Variants in TGFB2 observed in about 807,000 individuals in gnomAD.
TGFB2 encodes the protein transforming growth factor beta 2, also known as transforming growth factor beta-2 proprotein.
TGFB2 carries 13 observed loss-of-function variants against 42.7 expected under a neutral mutation model. That is an observed-to-expected ratio of 0.30 (90% CI 0.20 to 0.48). The LOEUF is 0.48. TGFB2 is among the 20% of genes least tolerant of loss of function. The pLI, the probability that TGFB2 is intolerant of heterozygous loss-of-function variation, is 0.99. For missense variants in TGFB2, 390 were observed against 517.5 expected (o/e 0.75, Z 2.39); for synonymous variants, 193 against 193.6 (o/e 1.00, Z 0.03).
At chr1:218,350,063 G>A (rs772558137) in intron 1 of TGFB2, among the ~76,000 whole-genome samples, 12 of 152,208 alleles carry the variant, frequency 7.9e-5, no homozygotes, top group Non-Finnish European at 1.5e-4. Context: ...CAATCCATTT[G>A]AAGTTCGAGG....
intron 2 of TGFB2, among the ~76,000 whole-genome samples, chr1:218,428,012 T>C (rs1659681626): frequency 6.6e-6 from 1 of 152,328 alleles, no homozygotes; most frequent in East Asian, 1.9e-4. Flanking sequence ...CCTGACTTTT[T>C]AATGACTGCC....
At chr1:218,363,258 T>G in intron 1 of TGFB2, 1 of 1,265,240 alleles carries the variant, frequency 7.9e-7, no homozygotes, top group Non-Finnish European at 1.2e-6. Flanking sequence ...CTCTTCTACT[T>G]TGAATCTTTG....
At position 218,441,521 on chromosome 1, in the gene TGFB2, G is replaced by A. The variant is rs1346786037; in HGVS notation, c.*159G>A. ...CGGTACTAGTTCAGACACTTTGGAA[G>A]TTTGTGTTCTGTTTGTTAAAACTGG... On this transcript the variant is annotated 3_prime_UTR_variant, in exon 7 of 7. Transcript: ENST00000366930. 3.3e-6 allele frequency: 2 copies of A among 602,724 alleles called. No homozygotes were observed. The highest frequency in any genetic ancestry group is 3.8e-5 in the African/African-American group (2 of 52,044). 37.3% of individuals were successfully genotyped at this position (602,724 alleles called of 1,614,324 possible). A position where few individuals can be genotyped will look rare whatever the true frequency, so the allele number is the denominator to read the frequency against.
At chr1:218,383,862 T>C (rs1658043300) in intron 1 of TGFB2, among the ~76,000 whole-genome samples, 2 of 152,150 alleles carry the variant, frequency 1.3e-5, no homozygotes, top group South Asian at 2.1e-4. Flanking sequence ...TCTAGAAAGG[T>C]AGAGAGTAAA....
At position 218,395,836 on chromosome 1, in the gene TGFB2, G is replaced by T. The variant is rs550331533; in HGVS notation, c.347-9333G>T. 1.4e-4 allele frequency among the ~76,000 whole-genome samples: 21 copies of T among 152,070 alleles called. No homozygotes were observed. In the East Asian group the frequency reaches 3.5e-3, roughly 25 times the overall value. ...TCACCATGTTAGCCAGGATGGTCTC[G>T]ATCTCCTGACCTCGTGATCCACCCA... On this transcript the variant is annotated intron_variant, in intron 1 of 6. Transcript: ENST00000366930.
intron 1 of TGFB2, among the ~76,000 whole-genome samples, chr1:218,365,527 A>G (rs1657357866): frequency 6.6e-6 from 1 of 152,054 alleles, no homozygotes; most frequent in African/African-American, 2.4e-5. Flanking sequence ...GTGGAAGGGG[A>G]GATGGGGCGC....
intron 2 of TGFB2, among the ~76,000 whole-genome samples, chr1:218,429,470 A>G (rs1219189682): frequency 6.6e-6 from 1 of 152,180 alleles, no homozygotes; most frequent in Non-Finnish European, 1.5e-5. Flanking sequence ...TGAGTGTACT[A>G]CATTTTGTTT....
intron 1 of TGFB2, among the ~76,000 whole-genome samples, chr1:218,351,789 C>A (rs1334333896): frequency 6.6e-6 from 1 of 152,022 alleles, no homozygotes; most frequent in South Asian, 2.1e-4. Context: ...ATGATTTCTC[C>A]CTGGTGAAAA....
At chr1:218,359,991 A>C (rs1657158822) in intron 1 of TGFB2, among the ~76,000 whole-genome samples, 1 of 152,168 alleles carries the variant, frequency 6.6e-6, no homozygotes, top group South Asian at 2.1e-4. Flanking sequence ...GATTGTTTTG[A>C]GGTCAAATGA....
At chr1:218,358,467 CATTTTCACTT>C (rs756057500) in intron 1 of TGFB2, among the ~76,000 whole-genome samples, 2 of 151,682 alleles carry the variant, frequency 1.3e-5, no homozygotes, top group African/African-American at 4.8e-5. Flanking sequence ...GGCTTAATCT[CATTTTCACTT>C]ATTTTCACTT....
At chr1:218,372,951 C>T (rs1360010190) in intron 1 of TGFB2, among the ~76,000 whole-genome samples, 3 of 151,980 alleles carry the variant, frequency 2.0e-5, no homozygotes, top group Non-Finnish European at 2.9e-5. Context: ...CTGAGGTGGG[C>T]GGATCACCTG....
chr1:218,429,072 C>T (rs1659722079), intron 2 of TGFB2, among the ~76,000 whole-genome samples: 1 of 151,226 alleles, frequency 6.6e-6, no homozygotes, highest in African/African-American at 2.4e-5. Context: ...CCTCCGCCTC[C>T]TGGGCTCAAG....
intron 2 of TGFB2, among the ~76,000 whole-genome samples, chr1:218,422,197 C>T (rs965826913): frequency 4.0e-5 from 6 of 151,508 alleles, no homozygotes; most frequent in Admixed American, 2.0e-4. Context: ...TTTCTTTCTT[C>T]TTGTTTTTTT....
chr1:218,443,297 G>A lies in TGFB2; in HGVS notation c.*1935G>A, dbSNP rs751827445. The A allele has an allele frequency of 1.3e-5, 2 of 152,168 alleles. No individual in the cohort carries two copies. The highest frequency in any genetic ancestry group is 2.4e-5 in the African/African-American group (1 of 41,452). The allele number at this position is 152,168 out of a possible 1,614,324, so 9.4% of individuals were successfully genotyped here. A position where few individuals can be genotyped will look rare whatever the true frequency, so the allele number is the denominator to read the frequency against. On this transcript the variant is annotated 3_prime_UTR_variant, in exon 7 of 7. Coordinates refer to ENST00000366930, the MANE Select transcript of TGFB2 (RefSeq NM_003238.6). ...CAGTTTATCACTTGTCGCTTATTTA[G>A]CTTTAAAATAAAAATTAATAGGCAA...
At chr1:218,383,447 AT>A (rs1400728613) in intron 1 of TGFB2, among the ~76,000 whole-genome samples, 267 of 152,292 alleles carry the variant, frequency 1.8e-3, no homozygotes, top group African/African-American at 6.3e-3. Flanking sequence ...TTAAAATGCA[AT>A]AATAGGGCTG....
chr1:218,393,207 G>T (rs1403678689), intron 1 of TGFB2, among the ~76,000 whole-genome samples: 1 of 152,204 alleles, frequency 6.6e-6, no homozygotes, highest in East Asian at 1.9e-4. Context: ...GAATGTTGGC[G>T]TTTATTTGTT....
intron 1 of TGFB2, among the ~76,000 whole-genome samples, chr1:218,372,272 G>A (rs936499058): frequency 6.6e-6 from 1 of 152,186 alleles, no homozygotes; most frequent in Admixed American, 6.5e-5. Context: ...TGTGAACTTT[G>A]TCAACCGACT....
At chr1:218,394,357 C>T (rs1036738847) in intron 1 of TGFB2, among the ~76,000 whole-genome samples, 2 of 152,118 alleles carry the variant, frequency 1.3e-5, no homozygotes, top group Admixed American at 6.5e-5. Flanking sequence ...TAGGTGTCTC[C>T]GTGTAGGTGG....
chr1:218,398,116 G>A (rs1210591708), intron 1 of TGFB2, among the ~76,000 whole-genome samples: 1 of 152,190 alleles, frequency 6.6e-6, no homozygotes, highest in Non-Finnish European at 1.5e-5. Context: ...ACTAGGACTG[G>A]TTTCACCAGC....
Sources: gnomAD v4.1 joint callset for allele counts (sites outside exome capture counted in the v4.1 genomes callset) on GRCh38, gnomAD v4.1.1 for gene constraint, MANE v1.5 for transcripts, NCBI Gene and HGNC (gene_info 2026-07-23, HGNC 2026-07-21) for gene names.